Variants in LEPROTL1 observed in about 807,000 individuals in gnomAD.
LEPROTL1 encodes the protein leptin receptor overlapping transcript like 1.
A neutral mutation model predicts 15.4 loss-of-function variants in LEPROTL1; 6 were observed. That is an observed-to-expected ratio of 0.39 (90% CI 0.21 to 0.77). The LOEUF is 0.77. LEPROTL1 is among the 30% of genes least tolerant of loss of function. The pLI is 0.41. For missense variants in LEPROTL1, 128 were observed against 158.1 expected (o/e 0.81, Z 1.02); for synonymous variants, 56 against 52.6 (o/e 1.06, Z -0.28).
chr8:30,115,520 G>A (rs750140715), intron 3 of LEPROTL1, among the ~76,000 whole-genome samples: 1 of 145,474 alleles, frequency 6.9e-6, no homozygotes, highest in Middle Eastern at 3.6e-3. Context: ...CTACAGGCAC[G>A]CACCACCATG....
At chr8:30,127,715 T>C (rs1485296045) in intron 3 of LEPROTL1, among the ~76,000 whole-genome samples, 1 of 148,734 alleles carries the variant, frequency 6.7e-6, no homozygotes, top group Admixed American at 6.8e-5. Flanking sequence ...CGTATATGTA[T>C]TCTGCTTGGG....
At chr8:30,104,824 T>TGCCTCAGCCTCCC (rs1281542300) in intron 3 of LEPROTL1, 1 of 162,884 alleles carries the variant, frequency 6.1e-6, no homozygotes, top group Non-Finnish European at 1.3e-5. Context: ...GCCATTCTCC[T>TGCCTCAGCCTCCC]GCCTCAGCCT....
intron 1 of LEPROTL1, among the ~76,000 whole-genome samples, chr8:30,097,969 T>C (rs2117473126): frequency 6.6e-6 from 1 of 152,158 alleles, no homozygotes; most frequent in African/African-American, 2.4e-5. Flanking sequence ...GCCTTCTTTT[T>C]TGATAAAAAC....
At chr8:30,105,556 CTA>C (rs1802549723) in intron 3 of LEPROTL1, among the ~76,000 whole-genome samples, 188 bp from the exon 4 acceptor site, 1 of 147,390 alleles carries the variant, frequency 6.8e-6, no homozygotes, top group Non-Finnish European at 1.5e-5. Context: ...TATATTTATA[CTA>C]TATATTTTTT....
At chr8:30,102,058 T>TAA in intron 2 of LEPROTL1, 85 bp downstream of exon 2, 1 of 735,754 alleles carries the variant, frequency 1.4e-6, no homozygotes, top group Non-Finnish European at 2.3e-6. Context: ...TTTACTACTG[T>TAA]AAAAGTAATG....
At position 30,106,007 on chromosome 8, in the gene LEPROTL1, G is replaced by A. The variant is rs13693; in HGVS notation, c.*145G>A. 2.9e-4 allele frequency: 362 copies of A among 1,246,050 alleles called. 4 individuals are homozygous for A. In the African/African-American group the frequency reaches 5.4e-3, roughly 19 times the overall value. 77.2% of individuals were successfully genotyped at this position (1,246,050 alleles called of 1,614,324 possible). On this transcript the variant is annotated 3_prime_UTR_variant, in exon 4 of 4. Transcript: ENST00000321250. ...TGCTCCCTTCTCACTTTTATTGTAA[G>A]CATACTATTTTCACAGAGACTTGCT...
chr8:30,107,638 T>C lies in LEPROTL1; in HGVS notation c.*1776T>C, dbSNP rs1802590050. On this transcript the variant is annotated 3_prime_UTR_variant, in exon 4 of 4. Transcript: ENST00000321250. ...TGGCTGGAGCCTTCCCACTGGAGGCTGAAAGTGGCTTGTGGTATTATAATG... is the reference window on the plus strand; with the variant it reads ...TGGCTGGAGCCTTCCCACTGGAGGCCGAAAGTGGCTTGTGGTATTATAATG... 2 of 985,676 alleles carry C rather than the reference T, an allele frequency of 2.0e-6. 1 individual carries two copies. Among genetic ancestry groups the C allele is most frequent in the South Asian group, 9.4e-5 (2 of 21,288 alleles). 61.1% of individuals were successfully genotyped at this position (985,676 alleles called of 1,614,324 possible).
downstream of LEPROTL1, among the ~76,000 whole-genome samples, chr8:30,111,263 A>G (rs1286694231): frequency 1.3e-5 from 2 of 152,228 alleles, no homozygotes. Context: ...GAATTAAAAG[A>G]AAAAGAAGAT....
intron 3 of LEPROTL1, among the ~76,000 whole-genome samples, chr8:30,131,411 T>C (rs1008179640): frequency 6.6e-6 from 1 of 151,540 alleles, no homozygotes; most frequent in African/African-American, 2.4e-5. Context: ...CACCTCAGCA[T>C]TGCAAAGTGC....
chr8:30,131,198 C>G (rs1008436911), intron 3 of LEPROTL1, among the ~76,000 whole-genome samples: 1 of 151,330 alleles, frequency 6.6e-6, no homozygotes, highest in Non-Finnish European at 1.5e-5. Flanking sequence ...CTCAAGAGAT[C>G]CTTCTCAGCC....
chr8:30,112,316 A>G (rs1162553189), downstream of LEPROTL1, among the ~76,000 whole-genome samples: 1 of 143,046 alleles, frequency 7.0e-6, no homozygotes, highest in Non-Finnish European at 1.5e-5. Context: ...GCTCACTGCA[A>G]CCTCCACCTC....
At chr8:30,114,666 A>C (rs1425151436) in intron 3 of LEPROTL1, among the ~76,000 whole-genome samples, 1 of 152,178 alleles carries the variant, frequency 6.6e-6, no homozygotes, top group Non-Finnish European at 1.5e-5. Context: ...GAAAACTCTG[A>C]TGGGAGTCCA....
chr8:30,118,442 C>A (rs954652912), intron 3 of LEPROTL1, among the ~76,000 whole-genome samples: 1 of 152,198 alleles, frequency 6.6e-6, no homozygotes, highest in Non-Finnish European at 1.5e-5. Context: ...GTAGTTTAAA[C>A]AACAGACATT....
chr8:30,097,698 T>TACACACACACAC (rs71204262), intron 1 of LEPROTL1, among the ~76,000 whole-genome samples: 8 of 108,768 alleles, frequency 7.4e-5, no homozygotes, highest in South Asian at 6.6e-4. Flanking sequence ...TATATATATA[T>TACACACACACAC]ACACACACAC....
At chr8:30,112,953 CT>C (rs960440740), downstream of LEPROTL1, among the ~76,000 whole-genome samples, 4 of 151,944 alleles carry the variant, frequency 2.6e-5, no homozygotes, top group African/African-American at 9.7e-5. Context: ...CCTACCCCTA[CT>C]CCTGCACCGA....
intron 1 of LEPROTL1, among the ~76,000 whole-genome samples, chr8:30,098,309 A>G (rs2117473610): frequency 6.6e-6 from 1 of 152,310 alleles, no homozygotes. Flanking sequence ...CCTATTGAAA[A>G]ATATATATAA....
At chr8:30,114,571 G>A (rs148563563) in intron 3 of LEPROTL1, among the ~76,000 whole-genome samples, 2,802 of 152,238 alleles carry the variant, frequency 0.018, 47 homozygotes, top group Non-Finnish European at 0.03. Context: ...GATTGCAGGC[G>A]TGAGCCACTG....
rs756651155 is a variant in LEPROTL1 at position 30,101,985 on chromosome 8, G to C, written c.92+12G>C. 1.3e-6 allele frequency: 2 copies of C among 1,554,902 alleles called. No homozygotes were observed. Among genetic ancestry groups the C allele is most frequent in the East Asian group, 2.3e-5 (1 of 43,808 alleles). On this transcript the variant is annotated intron_variant, in intron 2 of 3. Transcript: ENST00000321250. ...CTTCCAATATACAAGTATGTAAAATGTTTGTCTTTCTGAATATTTAAGGGT... is the reference window on the plus strand; with the variant it reads ...CTTCCAATATACAAGTATGTAAAATCTTTGTCTTTCTGAATATTTAAGGGT...
chr8:30,116,582 C>G (rs1475810682), intron 3 of LEPROTL1, among the ~76,000 whole-genome samples: 2 of 152,136 alleles, frequency 1.3e-5, no homozygotes, highest in Non-Finnish European at 2.9e-5. Context: ...ACCTCCTGCT[C>G]TGCTGCCCAG....
Sources: allele counts gnomAD v4.1 joint callset (sites outside exome capture counted in the v4.1 genomes callset), GRCh38; gene constraint gnomAD v4.1.1; transcripts MANE v1.5; gene names NCBI Gene and HGNC (gene_info 2026-07-23, HGNC 2026-07-21).